The following EYS variants were observed in gnomAD, a reference collection of about 807,000 sequenced individuals.
The protein encoded by EYS is EGF-like photoreceptor maintenance factor, also known as protein eyes shut homolog.
Under a neutral mutation model 282.1 loss-of-function variants are expected in EYS, and 250 were observed. The ratio of observed to expected loss-of-function variants is 0.89; its 90% CI spans 0.80 to 0.98. The LOEUF (loss-of-function observed/expected upper bound fraction) is 0.98, where lower values mean the gene tolerates loss of function less well. Ranked by LOEUF, EYS falls within the 50% of genes least tolerant of loss-of-function variation. EYS has a pLI of 0.00. For missense variants in EYS, 4,016 were observed against 3,709.0 expected (o/e 1.08, Z -2.15); for synonymous variants, 1,355 against 1,282.9 (o/e 1.06, Z -1.20).
intron 35 of EYS, among the ~76,000 whole-genome samples, chr6:63,968,393 A>G (rs1766404655): frequency 6.6e-6 from 1 of 152,176 alleles, no homozygotes; most frequent in Non-Finnish European, 1.5e-5. Context: ...AAAGAATCAC[A>G]GCTGGATTTG....
intron 31 of EYS, among the ~76,000 whole-genome samples, chr6:64,223,348 A>G (rs1766159179): frequency 6.6e-6 from 1 of 152,092 alleles, no homozygotes; most frequent in Non-Finnish European, 1.5e-5. Flanking sequence ...TAGTAAATTC[A>G]TCAAATGTTA....
At chr6:65,698,439 AATAAT>A (rs1242298652) in intron 1 of EYS, among the ~76,000 whole-genome samples, 3 of 152,168 alleles carry the variant, frequency 2.0e-5, no homozygotes, top group Non-Finnish European at 2.9e-5. Flanking sequence ...AGGTTATATC[AATAAT>A]ATAAGACTTT....
chr6:65,186,511 A>C (rs940686005), intron 12 of EYS, among the ~76,000 whole-genome samples: 1 of 151,728 alleles, frequency 6.6e-6, no homozygotes, highest in Non-Finnish European at 1.5e-5. Context: ...ACAGTTCCTT[A>C]CCTTGGGGAT....
intron 19 of EYS, among the ~76,000 whole-genome samples, chr6:64,842,564 T>A (rs754110672): frequency 3.9e-5 from 6 of 151,924 alleles, no homozygotes; most frequent in Non-Finnish European, 8.8e-5. Flanking sequence ...ACTTGTTGAA[T>A]GGCTTTGACA....
intron 7 of EYS, among the ~76,000 whole-genome samples, chr6:65,388,811 A>C (rs1258931350): frequency 6.6e-6 from 1 of 152,104 alleles, no homozygotes; most frequent in African/African-American, 2.4e-5. Flanking sequence ...ATAAACAAGC[A>C]AACTATTTTA....
chr6:63,739,081 T>G (rs183308907), intron 41 of EYS, among the ~76,000 whole-genome samples: 2 of 152,250 alleles, frequency 1.3e-5, no homozygotes, highest in Admixed American at 1.3e-4. Context: ...CTTCCTCCCC[T>G]CCTTTCTATC....
chr6:63,809,317 C>G (rs937049811), intron 36 of EYS, among the ~76,000 whole-genome samples: 1 of 152,158 alleles, frequency 6.6e-6, no homozygotes, highest in East Asian at 1.9e-4. Flanking sequence ...TTCCATCTTC[C>G]GCCAGGTAAC....
chr6:65,086,043 A>T (rs1439399907), intron 12 of EYS, among the ~76,000 whole-genome samples: 14 of 145,304 alleles, frequency 9.6e-5, no homozygotes, highest in South Asian at 6.5e-4. Context: ...TTTTTTTTTT[A>T]AATCCTTCTC....
intron 18 of EYS, 111 bp from the exon 19 acceptor site, chr6:64,886,953 A>G: frequency 2.8e-6 from 2 of 722,184 alleles, no homozygotes; most frequent in Non-Finnish European, 4.2e-6. Flanking sequence ...ATTGAAATAA[A>G]TAATATATGT....
chr6:65,629,803 T>A (rs1201325026), intron 2 of EYS, among the ~76,000 whole-genome samples: 1 of 152,124 alleles, frequency 6.6e-6, no homozygotes, highest in East Asian at 1.9e-4. Context: ...CAATGGGCAA[T>A]GAACCTTTTG....
intron 31 of EYS, among the ~76,000 whole-genome samples, chr6:64,194,460 A>C (rs891666516): frequency 1.3e-5 from 2 of 152,134 alleles, no homozygotes; most frequent in Non-Finnish European, 2.9e-5. Flanking sequence ...TAAACATCTT[A>C]TTATTGAGTT....
chr6:65,633,288 T>C (rs150529025), intron 2 of EYS, among the ~76,000 whole-genome samples: 2 of 152,344 alleles, frequency 1.3e-5, no homozygotes, highest in Non-Finnish European at 2.9e-5. Context: ...CTTTACCTTC[T>C]TGCAGTGTGC....
At chr6:64,640,786 T>C (rs899151876) in intron 22 of EYS, among the ~76,000 whole-genome samples, 5 of 152,220 alleles carry the variant, frequency 3.3e-5, no homozygotes, top group African/African-American at 1.2e-4. Context: ...AGCTTCATGA[T>C]GAAAACAAAA....
intron 5 of EYS, among the ~76,000 whole-genome samples, chr6:65,457,064 C>G (rs1474410633): frequency 6.6e-6 from 1 of 152,180 alleles, no homozygotes; most frequent in African/African-American, 2.4e-5. Flanking sequence ...GCAGATGGAA[C>G]ATATGCCATG....
At chr6:64,255,276 G>T (rs1178767128) in intron 30 of EYS, among the ~76,000 whole-genome samples, 1 of 151,970 alleles carries the variant, frequency 6.6e-6, no homozygotes, top group Non-Finnish European at 1.5e-5. Flanking sequence ...TCCAGGGGAA[G>T]GGTTTCTGAA....
At chr6:64,450,699 A>C (rs1439266725) in intron 26 of EYS, among the ~76,000 whole-genome samples, 1 of 152,228 alleles carries the variant, frequency 6.6e-6, no homozygotes, top group Non-Finnish European at 1.5e-5. Context: ...CAGGATTAAG[A>C]AACTCACTCA....
intron 36 of EYS, among the ~76,000 whole-genome samples, chr6:63,818,326 CTG>C (rs1771234598): frequency 6.6e-6 from 1 of 152,156 alleles, no homozygotes; most frequent in East Asian, 1.9e-4. Context: ...GATAATACAA[CTG>C]TGATTTTATG....
chr6:65,700,962 A>C (rs1769653544), intron 1 of EYS, among the ~76,000 whole-genome samples: 1 of 152,132 alleles, frequency 6.6e-6, no homozygotes, highest in Non-Finnish European at 1.5e-5. Context: ...TTATTGTTTC[A>C]TATTGCTATA....
intron 12 of EYS, among the ~76,000 whole-genome samples, chr6:65,071,224 A>T (rs569612782): frequency 6.6e-6 from 1 of 152,026 alleles, no homozygotes; most frequent in African/African-American, 2.4e-5. Flanking sequence ...GAAAAAAAAC[A>T]AAAACTTATT....
Sources: allele counts gnomAD v4.1 joint callset (sites outside exome capture counted in the v4.1 genomes callset), GRCh38; gene constraint gnomAD v4.1.1; transcripts MANE v1.5; gene names NCBI Gene and HGNC (gene_info 2026-07-23, HGNC 2026-07-21).